The following NPAS2 variants were observed in gnomAD, a reference collection of about 807,000 sequenced individuals.
NPAS2 encodes the protein neuronal PAS domain protein 2, also known as neuronal PAS domain-containing protein 2.
A neutral mutation model predicts 107.5 loss-of-function variants in NPAS2; 23 were observed. The observed-to-expected ratio is 0.21, with a 90% CI of 0.15 to 0.30. The LOEUF (loss-of-function observed/expected upper bound fraction) is 0.30. NPAS2 is among the 10% of genes least tolerant of loss of function. The pLI, the probability that NPAS2 is intolerant of heterozygous loss-of-function variation, is 1.00. For synonymous variants in NPAS2, 403 were observed against 417.5 expected (o/e 0.97, Z 0.42); for missense variants, 756 against 1,043.3 (o/e 0.72, Z 3.79).
At chr2:100,880,056 T>C (rs559614322) in intron 1 of NPAS2, among the ~76,000 whole-genome samples, 5 of 152,348 alleles carry the variant, frequency 3.3e-5, no homozygotes, top group African/African-American at 1.2e-4. Context: ...CTCCAATATC[T>C]GAAGGCCAAC....
chr2:100,899,141 T>C (rs1029540519), intron 1 of NPAS2, among the ~76,000 whole-genome samples: 1 of 151,798 alleles, frequency 6.6e-6, no homozygotes, highest in African/African-American at 2.4e-5. Context: ...TGGGGTGTCC[T>C]GGATAGAGTG....
intron 2 of NPAS2, among the ~76,000 whole-genome samples, chr2:100,920,371 GTATATA>G (rs148484464): frequency 6.6e-6 from 1 of 151,626 alleles, no homozygotes; most frequent in Admixed American, 6.6e-5. Flanking sequence ...ATTCCATGTT[GTATATA>G]TATATATCAA....
chr2:100,937,965 G>A (rs768617901), intron 5 of NPAS2, 123 bp downstream of exon 5: 11 of 815,366 alleles, frequency 1.3e-5, no homozygotes, highest in African/African-American at 3.3e-5. Context: ...AGGGCGGAGA[G>A]TAAAGGACTG....
chr2:100,842,081 G>GCGCGCACGCACACACA, intron 1 of NPAS2, among the ~76,000 whole-genome samples: 4 of 148,798 alleles, frequency 2.7e-5, no homozygotes, highest in Non-Finnish European at 4.5e-5. Context: ...GCATGTACGC[G>GCGCGCACGCACACACA]CACACACACA....
intron 2 of NPAS2, among the ~76,000 whole-genome samples, chr2:100,909,698 G>C (rs1362765965): frequency 6.6e-6 from 1 of 151,300 alleles, no homozygotes; most frequent in African/African-American, 2.4e-5. Context: ...CACACGGGGG[G>C]AAAAAATGGC....
intron 4 of NPAS2, among the ~76,000 whole-genome samples, chr2:100,937,429 G>A (rs1684395549): frequency 6.6e-6 from 1 of 152,188 alleles, no homozygotes; most frequent in Admixed American, 6.5e-5. Flanking sequence ...GGCAAGGGTG[G>A]TATTTCTGAA....
intron 15 of NPAS2, among the ~76,000 whole-genome samples, chr2:100,979,772 C>T (rs1393116453): frequency 3.3e-5 from 5 of 151,954 alleles, no homozygotes; most frequent in South Asian, 2.1e-4. Context: ...TCAGGTGATC[C>T]GCCCACCTCA....
chr2:100,831,805 C>T (rs1336945757), intron 1 of NPAS2, among the ~76,000 whole-genome samples: 1 of 120,294 alleles, frequency 8.3e-6, no homozygotes, highest in Non-Finnish European at 1.7e-5. Context: ...CCAGGGGAAG[C>T]ACGGGACCCC....
At chr2:100,933,091 C>T (rs1459666519) in intron 4 of NPAS2, 90 bp downstream of exon 4, 1 of 937,350 alleles carries the variant, frequency 1.1e-6, no homozygotes, top group South Asian at 1.4e-5. Context: ...AAGGAAACTA[C>T]TGTTCTTGAT....
chr2:100,938,870 G>A (rs1338042322), intron 5 of NPAS2, among the ~76,000 whole-genome samples: 2 of 152,156 alleles, frequency 1.3e-5, no homozygotes, highest in African/African-American at 4.8e-5. Flanking sequence ...CTCCCAGTGA[G>A]CCCAGCCAAA....
chr2:100,915,155 G>A (rs1045783633), intron 2 of NPAS2, among the ~76,000 whole-genome samples: 7 of 152,126 alleles, frequency 4.6e-5, no homozygotes, highest in Non-Finnish European at 1.0e-4. Flanking sequence ...GAGCAACAGT[G>A]GCCATCAGAA....
intron 4 of NPAS2, among the ~76,000 whole-genome samples, chr2:100,933,864 G>A (rs568088829): frequency 1.3e-5 from 2 of 152,306 alleles, no homozygotes; most frequent in African/African-American, 4.8e-5. Flanking sequence ...GAAGTTAGAC[G>A]CTGGCTGTGA....
chr2:100,842,230 C>T (rs1026894725), intron 1 of NPAS2, among the ~76,000 whole-genome samples: 1 of 152,162 alleles, frequency 6.6e-6, no homozygotes, highest in African/African-American at 2.4e-5. Context: ...ACTCATGAGG[C>T]TTTCTGACCC....
At chr2:100,948,612 A>G (rs1378398106) in intron 6 of NPAS2, among the ~76,000 whole-genome samples, 1 of 115,120 alleles carries the variant, frequency 8.7e-6, no homozygotes, top group Non-Finnish European at 1.9e-5. Flanking sequence ...TGTGTATATG[A>G]TAAGATTTCT....
At chr2:100,943,877 T>C (rs1246304385) in intron 5 of NPAS2, among the ~76,000 whole-genome samples, 1 of 152,178 alleles carries the variant, frequency 6.6e-6, no homozygotes, top group Non-Finnish European at 1.5e-5. Flanking sequence ...CAGCATATAA[T>C]TTAGAACCTT....
chr2:100,820,996 C>T lies in NPAS2; in HGVS notation c.-23+582C>T, dbSNP rs1237707062. On this transcript the variant is annotated intron_variant, in intron 1 of 20. Transcript: ENST00000335681. This position sits in a 1 kb window ranked among gnomAD's most constrained non-coding sequence, Gnocchi z 5.6. ...TGGCTCCTCACGTCGCTGCCGCCCCCCCACCCCAACTCCGGAGCTCCCCAG... is the reference window on the plus strand; with the variant it reads ...TGGCTCCTCACGTCGCTGCCGCCCCTCCACCCCAACTCCGGAGCTCCCCAG... 7 of 1,281,158 alleles carry T rather than the reference C, an allele frequency of 5.5e-6. No individual in the cohort carries two copies. Among genetic ancestry groups the T allele is most frequent in the Admixed American group, 2.4e-5 (1 of 41,882 alleles). 79.4% of individuals were successfully genotyped at this position (1,281,158 alleles called of 1,614,324 possible).
intron 1 of NPAS2, among the ~76,000 whole-genome samples, chr2:100,827,077 A>G (rs1025341147): frequency 2.6e-5 from 4 of 152,216 alleles, no homozygotes; most frequent in African/African-American, 9.6e-5. Context: ...GTTGTCTATG[A>G]AAATTAAGTG....
intron 2 of NPAS2, among the ~76,000 whole-genome samples, chr2:100,913,975 A>G (rs561481527): frequency 6.6e-6 from 1 of 152,314 alleles, no homozygotes; most frequent in African/African-American, 2.4e-5. Context: ...AGCTACAGCC[A>G]TGCATCTTGG....
intron 1 of NPAS2, among the ~76,000 whole-genome samples, chr2:100,856,777 T>C (rs1678598489): frequency 6.6e-6 from 1 of 152,174 alleles, no homozygotes; most frequent in Admixed American, 6.5e-5. Flanking sequence ...AGGAAGCACC[T>C]GTGGTGCCAG....
Sources: gnomAD v4.1 joint callset for allele counts (sites outside exome capture counted in the v4.1 genomes callset) on GRCh38, gnomAD v4.1.1 for gene constraint, Gnocchi (gnomAD v3.1) non-coding constraint, MANE v1.5 for transcripts, NCBI Gene and HGNC (gene_info 2026-07-23, HGNC 2026-07-21) for gene names.